Variants in EHD4 observed in about 807,000 individuals in gnomAD.
EHD4 encodes EH domain containing 4.
A neutral mutation model predicts 51.0 loss-of-function variants in EHD4; 37 were observed. That is an observed-to-expected ratio of 0.73 (90% CI 0.56 to 0.95). The LOEUF is 0.95. EHD4 is among the 40% of genes least tolerant of loss of function. EHD4 has a pLI of 0.00. For missense variants in EHD4, 632 were observed against 733.1 expected (o/e 0.86, Z 1.59); for synonymous variants, 297 against 317.3 (o/e 0.94, Z 0.68).
chr15:41,948,901 C>T (rs527600960), intron 2 of EHD4, among the ~76,000 whole-genome samples: 28 of 151,774 alleles, frequency 1.8e-4, no homozygotes, highest in Non-Finnish European at 3.7e-4. Context: ...TGGTGACACA[C>T]GCCTGTCGTC....
chr15:41,918,832 T>C (rs1227763643), intron 4 of EHD4, among the ~76,000 whole-genome samples: 1 of 152,228 alleles, frequency 6.6e-6, no homozygotes, highest in South Asian at 2.1e-4. Flanking sequence ...TCAGGTTTGG[T>C]TGGTTATATT....
chr15:41,903,696 A>C (rs2067494021), intron 5 of EHD4, among the ~76,000 whole-genome samples: 1 of 152,136 alleles, frequency 6.6e-6, no homozygotes, highest in Non-Finnish European at 1.5e-5. Context: ...GTGGCAGGGC[A>C]GGAATTCTGG....
chr15:41,919,704 T>C (rs1053873507), intron 3 of EHD4, 82 bp from the exon 4 acceptor site: 6 of 1,336,826 alleles, frequency 4.5e-6, no homozygotes, highest in Non-Finnish European at 5.8e-6. Flanking sequence ...AGTCTCGCTC[T>C]CCAGCAGCTG....
At chr15:41,959,130 C>T (rs182995064) in intron 1 of EHD4, among the ~76,000 whole-genome samples, 46 of 152,022 alleles carry the variant, frequency 3.0e-4, no homozygotes, top group African/African-American at 8.2e-4. Context: ...TGGTGGCTCA[C>T]GCCTGTAATC....
chr15:41,955,441 T>C (rs974105514), intron 1 of EHD4, among the ~76,000 whole-genome samples: 1 of 151,940 alleles, frequency 6.6e-6, no homozygotes, highest in Non-Finnish European at 1.5e-5. Flanking sequence ...CCAGGGTGTG[T>C]CACTTGGCAT....
intron 2 of EHD4, among the ~76,000 whole-genome samples, chr15:41,946,007 G>A (rs57032192): frequency 0.036 from 5,532 of 152,280 alleles, 341 homozygotes; most frequent in African/African-American, 0.13. Context: ...TGGTGAGCCT[G>A]GAGTTAATGT....
chr15:41,906,007 G>C (rs890651313), intron 5 of EHD4, among the ~76,000 whole-genome samples: 1 of 152,160 alleles, frequency 6.6e-6, no homozygotes, highest in African/African-American at 2.4e-5. Context: ...TTTATTCCAG[G>C]GGCCTAGAAC....
chr15:41,932,408 C>A (rs1014989775), intron 3 of EHD4, among the ~76,000 whole-genome samples: 1 of 152,152 alleles, frequency 6.6e-6, no homozygotes, highest in African/African-American at 2.4e-5. Context: ...TTTTTGTAGC[C>A]TTTTGTCCCA....
chr15:41,915,150 G>T (rs1366158997), intron 4 of EHD4, among the ~76,000 whole-genome samples: 1 of 152,130 alleles, frequency 6.6e-6, no homozygotes, highest in African/African-American at 2.4e-5. Context: ...GAGTGTAAGT[G>T]TGAACTACAT....
At position 41,900,693 on chromosome 15, in the gene EHD4, G is replaced by T. The variant is rs139620303; in HGVS notation, c.1578C>A (p.Pro526=). The change falls in exon 6 of 6, where the codon CCC becomes CCA. Residue 526 remains proline (P), a synonymous_variant. Coordinates refer to ENST00000220325, the MANE Select transcript of EHD4 (RefSeq NM_139265.4). The surrounding 1 kb of genome is among the most constrained non-coding windows in gnomAD (Gnocchi z 4.8). ...TCCTGTGCGAGGGGGGCACGAGGTG[G>T]GGGGGCAGGCTGCTGGGCAGCTCGT... ...DGYELPSSLP[P]HLVPPSHRKS... 4.4e-6 allele frequency: 7 copies of T among 1,606,170 alleles called. No individual in the cohort carries two copies. In the Admixed American group the frequency reaches 5.0e-5, roughly 11 times the overall value.
intron 1 of EHD4, among the ~76,000 whole-genome samples, chr15:41,954,632 G>GA (rs977646359): frequency 1.6e-4 from 25 of 152,098 alleles, no homozygotes; most frequent in Admixed American, 5.2e-4. Context: ...AAATAAAACT[G>GA]AAAAAAAATT....
In EHD4 at chr15:41,901,150, A is replaced by G; in HGVS notation, c.1121T>C (p.Phe374Ser). 6.4e-7 allele frequency: 1 copy of G among 1,567,660 alleles called. No homozygotes were observed. The highest frequency in any genetic ancestry group is 1.2e-5 in the South Asian group (1 of 82,366). Residue 374 changes from phenylalanine to serine, a missense_variant, in exon 6 of 6, where the codon TTC becomes TCC. Transcript: ENST00000220325. ...EQLENYDFTK[F>S]HSLKPKLIEA... The stretch of plus-strand genomic sequence containing the variant: ...GATCAGCTTGGGCTTCAGCGAGTGG[A>G]ATTTGGTGAAGTCATAGTTCTCAAG...
At chr15:41,927,950 A>G (rs188294066) in intron 3 of EHD4, among the ~76,000 whole-genome samples, 32 of 152,342 alleles carry the variant, frequency 2.1e-4, no homozygotes, top group Non-Finnish European at 4.1e-4. Flanking sequence ...AGTTGCTTAA[A>G]TAGTGGTATG....
At position 41,969,544 on chromosome 15, in the gene EHD4, C is replaced by CAAA. The variant is rs61434884; in HGVS notation, c.236+2712_236+2714dup. Among the ~76,000 whole-genome samples the CAAA allele has an allele frequency of 8.3e-3, 1,220 of 147,150 alleles. 15 individuals are homozygous for CAAA. Among genetic ancestry groups the CAAA allele is most frequent in the African/African-American group, 0.025 (1,008 of 40,554 alleles). ...CTGGGCAACAACAGCGAAACTGTCTCAAAAAAAAAAAATTGTGTAGTTTGC... is the reference window on the plus strand; with the variant it reads ...CTGGGCAACAACAGCGAAACTGTCTCAAAAAAAAAAAAAAATTGTGTAGTTTGC... On this transcript the variant is annotated intron_variant, in intron 1 of 5. Transcript: ENST00000220325.
intron 2 of EHD4, among the ~76,000 whole-genome samples, chr15:41,945,229 C>T (rs1254490203): frequency 6.6e-6 from 1 of 152,234 alleles, no homozygotes; most frequent in East Asian, 1.9e-4. Context: ...CCCCAAACCA[C>T]AAGCTCACAC....
chr15:41,946,287 C>T (rs762629639), intron 2 of EHD4, among the ~76,000 whole-genome samples: 4 of 152,130 alleles, frequency 2.6e-5, no homozygotes, highest in Non-Finnish European at 4.4e-5. Context: ...GAGAAGAAGA[C>T]GGAGCAACTG....
intron 3 of EHD4, chr15:41,942,260 T>C (rs1224441655): frequency 1.3e-5 from 2 of 152,388 alleles, no homozygotes; most frequent in Admixed American, 6.6e-5. Context: ...TTTTTTTTTT[T>C]TTTTGAGACG....
chr15:41,950,821 C>T (rs1223905823), intron 2 of EHD4, among the ~76,000 whole-genome samples: 1 of 152,196 alleles, frequency 6.6e-6, no homozygotes, highest in African/African-American at 2.4e-5. Context: ...TTCCTGATGG[C>T]CTCTCCCTGA....
intron 3 of EHD4, among the ~76,000 whole-genome samples, chr15:41,940,193 C>T (rs1418067106): frequency 6.6e-6 from 1 of 152,192 alleles, no homozygotes. Context: ...ACACAAGCGG[C>T]CACCTTTCCT....
Sources: gnomAD v4.1 joint callset for allele counts (sites outside exome capture counted in the v4.1 genomes callset) on GRCh38, gnomAD v4.1.1 for gene constraint, Gnocchi (gnomAD v3.1) non-coding constraint, MANE v1.5 for transcripts, NCBI Gene and HGNC (gene_info 2026-07-23, HGNC 2026-07-21) for gene names.